The following ARHGEF12 variants were observed in gnomAD, a reference collection of about 807,000 sequenced individuals.
ARHGEF12 encodes the protein KMT2A/ARHGEF12 fusion protein.
In ARHGEF12, 66 loss-of-function variants were observed where a neutral mutation model predicts 211.2. That is an observed-to-expected ratio of 0.31 (90% confidence interval 0.26 to 0.38). The LOEUF is 0.38. ARHGEF12 is among the 10% of genes least tolerant of loss of function. The pLI is 1.00. For missense variants in ARHGEF12, 1,429 were observed against 1,869.5 expected (o/e 0.76, Z 4.34); for synonymous variants, 592 against 638.4 (o/e 0.93, Z 1.09).
chr11:120,387,209 C>T (rs1021005630), intron 1 of ARHGEF12, among the ~76,000 whole-genome samples: 1 of 151,302 alleles, frequency 6.6e-6, no homozygotes, highest in African/African-American at 2.4e-5. Flanking sequence ...ATTACTCATC[C>T]TTCATAATGT....
rs760462240 is a variant in ARHGEF12 at position 120,448,214 on chromosome 11, C to T, written c.1623-20C>T. 10 of 1,565,148 alleles carry T rather than the reference C, an allele frequency of 6.4e-6. No individual in the cohort carries two copies. The South Asian group carries it at 1.0e-4, about 16-fold the overall frequency. On this transcript the variant is annotated intron_variant, in intron 19 of 40. Coordinates refer to ENST00000397843, the MANE Select transcript of ARHGEF12 (RefSeq NM_015313.3). Reference sequence around the variant, plus strand: ...CTCCCTTCTCAGAAGTCTTAATTTACTTCGTCCTTTCTCCTCCAGCTCCAC... The same window carrying T: ...CTCCCTTCTCAGAAGTCTTAATTTATTTCGTCCTTTCTCCTCCAGCTCCAC...
At chr11:120,405,283 A>T (rs963241808) in intron 1 of ARHGEF12, among the ~76,000 whole-genome samples, 1 of 152,206 alleles carries the variant, frequency 6.6e-6, no homozygotes, top group African/African-American at 2.4e-5. Flanking sequence ...ATAGGTTGAA[A>T]TAATTTAAAA....
Position 120,439,939 on chromosome 11 carries a change from C to T in ARHGEF12, c.1000-190C>T. 5.8e-6 allele frequency: 3 copies of T among 514,164 alleles called. No individual in the cohort carries two copies. The South Asian group carries it at 8.7e-5, about 15-fold the overall frequency. The allele number at this position is 514,164 out of a possible 1,614,324, so 31.9% of individuals were successfully genotyped here. On this transcript the variant is annotated intron_variant, in intron 12 of 40. Coordinates refer to ENST00000397843, the MANE Select transcript of ARHGEF12 (RefSeq NM_015313.3). ...AAACTCGTTGTTGTGGTCTTTTTCT[C>T]TGCCAGAGTGGTACATGGCCTTGAA...
intron 4 of ARHGEF12, among the ~76,000 whole-genome samples, chr11:120,418,807 G>A (rs2135654792): frequency 6.6e-6 from 1 of 152,150 alleles, no homozygotes; most frequent in African/African-American, 2.4e-5. Flanking sequence ...GTGCTTATTG[G>A]CCATTGGTCT....
chr11:120,369,317 C>T (rs1007204006), intron 1 of ARHGEF12, among the ~76,000 whole-genome samples: 3 of 151,870 alleles, frequency 2.0e-5, no homozygotes, highest in Admixed American at 1.3e-4. Flanking sequence ...TTAGTAGAGA[C>T]GGGGTTTCAC....
rs1947451009 is a variant in ARHGEF12, at chr11:120,488,397, G to A, written c.*3320G>A. On this transcript the variant is annotated 3_prime_UTR_variant, in exon 41 of 41. Coordinates refer to ENST00000397843, the MANE Select transcript of ARHGEF12 (RefSeq NM_015313.3). ...CAAAATTAGCAGGGCCTCACAGTCA[G>A]CTTCCTCATGGCTAGTTTTTCCCCC... The A allele has an allele frequency of 9.3e-6, 2 of 216,162 alleles. No individual in the cohort carries two copies. Among genetic ancestry groups the A allele is most frequent in the East Asian group, 1.4e-4 (2 of 14,616 alleles). The allele number at this position is 216,162 out of a possible 1,614,324, so 13.4% of individuals were successfully genotyped here.
chr11:120,465,010 A>C (rs2135927508), intron 27 of ARHGEF12: 1 of 540,738 alleles, frequency 1.8e-6, no homozygotes, highest in South Asian at 2.9e-5. Context: ...TCTCAAAAAA[A>C]AGAAAAAAAA....
intron 1 of ARHGEF12, among the ~76,000 whole-genome samples, chr11:120,344,107 A>C (rs1245975240): frequency 6.6e-6 from 1 of 151,838 alleles, no homozygotes; most frequent in Non-Finnish European, 1.5e-5. Context: ...CTCTATTAAA[A>C]ATACAAAAAT....
intron 22 of ARHGEF12, among the ~76,000 whole-genome samples, chr11:120,454,226 T>G (rs936211627): frequency 6.6e-6 from 1 of 152,150 alleles, no homozygotes; most frequent in Admixed American, 6.5e-5. Context: ...CGAACATCAT[T>G]ACTCACCCTT....
chr11:120,474,063 G>T (rs1047195158), intron 31 of ARHGEF12, among the ~76,000 whole-genome samples: 1 of 152,184 alleles, frequency 6.6e-6, no homozygotes, highest in Non-Finnish European at 1.5e-5. Flanking sequence ...ACTAAAAGAT[G>T]ATTCTCTTAC....
chr11:120,427,560 A>G (rs1434292148), intron 7 of ARHGEF12, among the ~76,000 whole-genome samples: 2 of 151,188 alleles, frequency 1.3e-5, no homozygotes, highest in African/African-American at 4.9e-5. Context: ...CATTGCAGCT[A>G]CTTGTGGGGG....
intron 1 of ARHGEF12, among the ~76,000 whole-genome samples, chr11:120,367,349 T>C (rs192076346): frequency 2.0e-4 from 28 of 143,218 alleles, no homozygotes; most frequent in African/African-American, 6.8e-4. Context: ...TAGGATACTT[T>C]TTCCTTTTTT....
Position 120,423,282 on chromosome 11 carries a change from T to C in ARHGEF12, c.349-1076T>C, listed in dbSNP as rs114752142. 8.6e-3 allele frequency among the ~76,000 whole-genome samples: 1,308 copies of C among 152,280 alleles called. 8 individuals carry two copies. Among genetic ancestry groups the C allele is most frequent in the Non-Finnish European group, 0.015 (991 of 67,976 alleles). The stretch of plus-strand genomic sequence containing the variant: ...TAGTTTGGGTATGGTAAAATGACTA[T>C]TCTCATGAGTTCGTTGTGAGTATAA... On this transcript the variant is annotated intron_variant, in intron 6 of 40. Coordinates refer to ENST00000397843, the MANE Select transcript of ARHGEF12 (RefSeq NM_015313.3).
chr11:120,352,570 A>G (rs920439542), intron 1 of ARHGEF12, among the ~76,000 whole-genome samples: 1 of 152,220 alleles, frequency 6.6e-6, no homozygotes, highest in Non-Finnish European at 1.5e-5. Flanking sequence ...TTTATCTTTT[A>G]TAGCTATAGA....
rs749063772 is a variant in ARHGEF12, at chr11:120,424,413, A to G, written c.404A>G (p.Lys135Arg). Residue 135 changes from lysine to arginine, a missense_variant and splice_region_variant, in exon 7 of 41, where the codon AAA (lysine) becomes AGA (arginine). Transcript: ENST00000397843. ...SNHLEVVKLI[K>R]SGSYVALTVQ... ...CATCTGGAGGTGGTGAAGCTAATCA[A>G]ATGTAGGTGAATGTTATTCTTAGTT... is the stretch of plus-strand genomic sequence containing the variant. The G allele has an allele frequency of 1.4e-5, 23 of 1,612,450 alleles. No individual in the cohort carries two copies. The East Asian group carries it at 3.8e-4, about 27-fold the overall frequency.
chr11:120,425,804 A>AT (rs1000312513), intron 7 of ARHGEF12, among the ~76,000 whole-genome samples: 1 of 151,316 alleles, frequency 6.6e-6, no homozygotes, highest in Non-Finnish European at 1.5e-5. Flanking sequence ...ACTGAATGAA[A>AT]TTTTTTTAAA....
intron 4 of ARHGEF12, among the ~76,000 whole-genome samples, chr11:120,415,509 G>T (rs1288070052): frequency 6.6e-6 from 1 of 152,286 alleles, no homozygotes; most frequent in Non-Finnish European, 1.5e-5. Context: ...ATAGTACAAA[G>T]ATATGATAAT....
intron 7 of ARHGEF12, among the ~76,000 whole-genome samples, chr11:120,427,631 C>A (rs185718588): frequency 9.3e-5 from 14 of 150,340 alleles, no homozygotes; most frequent in Non-Finnish European, 1.5e-4. Flanking sequence ...GAGATCGTGC[C>A]GCGGCACTCC....
intron 10 of ARHGEF12, 81 bp downstream of exon 10, chr11:120,429,912 G>A: frequency 2.7e-6 from 4 of 1,499,862 alleles, no homozygotes; most frequent in Non-Finnish European, 3.6e-6. Flanking sequence ...TGTTGCAGTT[G>A]CCTTTTTTAA....
Sources: gnomAD v4.1 joint callset for allele counts (sites outside exome capture counted in the v4.1 genomes callset) on GRCh38, gnomAD v4.1.1 for gene constraint, MANE v1.5 for transcripts, NCBI Gene and HGNC (gene_info 2026-07-23, HGNC 2026-07-21) for gene names.